Variants in AFF3 observed in about 807,000 individuals in gnomAD.
AFF3 encodes the protein ALF transcription elongation factor 3.
AFF3 carries 32 observed loss-of-function variants against 129.7 expected under a neutral mutation model. That is an observed-to-expected ratio of 0.25 (90% CI 0.19 to 0.33). The LOEUF (loss-of-function observed/expected upper bound fraction) is 0.33. Ranked by LOEUF, AFF3 falls within the 10% of genes least tolerant of loss-of-function variation. The probability of loss-of-function intolerance (pLI) is 1.00; values close to 1 mark genes in which losing one functional copy is unlikely to be tolerated. For missense variants in AFF3, 1,373 were observed against 1,592.0 expected (o/e 0.86, Z 2.34); for synonymous variants, 644 against 635.4 (o/e 1.01, Z -0.20).
intron 21 of AFF3, among the ~76,000 whole-genome samples, chr2:99,560,025 C>G (rs1559477057): frequency 6.6e-6 from 1 of 152,236 alleles, no homozygotes; most frequent in Non-Finnish European, 1.5e-5. Context: ...CTCTGGGAGG[C>G]TGAGGCAGGC....
In AFF3 at chr2:99,640,567, C is replaced by T. The variant is rs575692826; in HGVS notation, c.1184+9059G>A. Among the ~76,000 whole-genome samples the T allele has an allele frequency of 3.3e-5, 5 of 151,336 alleles. No homozygotes were observed. In the South Asian group the frequency reaches 6.3e-4, roughly 19 times the overall value. ...GACTCAAAGTCCTGTGCTTGCTTCACGATGTCTTGTAAAAAGAGGAGAGAG... is the reference window on the plus strand; with the variant it reads ...GACTCAAAGTCCTGTGCTTGCTTCATGATGTCTTGTAAAAAGAGGAGAGAG... On this transcript the variant is annotated intron_variant, in intron 13 of 24. Transcript: ENST00000672756.
intron 4 of AFF3, among the ~76,000 whole-genome samples, chr2:100,063,734 C>T (rs1687486377): frequency 6.6e-6 from 1 of 152,068 alleles, no homozygotes. Context: ...GAGATGATAA[C>T]TGAGATGTTT....
intron 7 of AFF3, among the ~76,000 whole-genome samples, chr2:99,929,902 C>T (rs1184203748): frequency 6.7e-6 from 1 of 149,924 alleles, no homozygotes; most frequent in Non-Finnish European, 1.5e-5. Flanking sequence ...CGCCATTATA[C>T]ATTTTGAATT....
At chr2:99,894,213 GAA>G (rs1295431230) in intron 7 of AFF3, among the ~76,000 whole-genome samples, 1 of 132,654 alleles carries the variant, frequency 7.5e-6, no homozygotes, top group African/African-American at 2.8e-5. Flanking sequence ...GCCTTTTTTT[GAA>G]AAAAAAAAAA....
intron 8 of AFF3, among the ~76,000 whole-genome samples, chr2:99,782,188 C>T (rs968980591): frequency 6.6e-6 from 1 of 152,136 alleles, no homozygotes; most frequent in African/African-American, 2.4e-5. Flanking sequence ...GAGTTGGGGT[C>T]CCCACATTGT....
intron 12 of AFF3, among the ~76,000 whole-genome samples, chr2:99,649,948 C>A (rs1489143681): frequency 6.6e-6 from 1 of 152,188 alleles, no homozygotes; most frequent in Non-Finnish European, 1.5e-5. Flanking sequence ...TAAGCTTGGA[C>A]AGGCCTCTGG....
chr2:99,692,042 A>C (rs1432599685), intron 11 of AFF3, among the ~76,000 whole-genome samples: 1 of 152,090 alleles, frequency 6.6e-6, no homozygotes, highest in Non-Finnish European at 1.5e-5. Context: ...CAGCTGTTTC[A>C]AGTAGCGACT....
intron 7 of AFF3, among the ~76,000 whole-genome samples, chr2:99,863,733 A>C (rs956408967): frequency 6.6e-6 from 1 of 152,218 alleles, no homozygotes; most frequent in Non-Finnish European, 1.5e-5. Flanking sequence ...TGCATGAGTC[A>C]GCTGGTGGTT....
intron 16 of AFF3, among the ~76,000 whole-genome samples, chr2:99,586,102 C>T (rs761994799): frequency 2.0e-5 from 3 of 152,264 alleles, no homozygotes; most frequent in Non-Finnish European, 2.9e-5. Context: ...CTTAGAAATT[C>T]TGGAAGCCAC....
At chr2:99,748,646 C>A (rs1681368445) in intron 9 of AFF3, among the ~76,000 whole-genome samples, 1 of 152,184 alleles carries the variant, frequency 6.6e-6, no homozygotes, top group Non-Finnish European at 1.5e-5. Context: ...AAGGGTTACC[C>A]TGTGCTTTGA....
intron 7 of AFF3, among the ~76,000 whole-genome samples, chr2:99,933,003 C>T (rs553533720): frequency 4.6e-5 from 7 of 152,168 alleles, no homozygotes; most frequent in Non-Finnish European, 8.8e-5. Context: ...CAGAGAAAGG[C>T]AAACTGGATT....
chr2:99,888,072 T>G (rs1406893393), intron 7 of AFF3, among the ~76,000 whole-genome samples: 1 of 152,220 alleles, frequency 6.6e-6, no homozygotes, highest in East Asian at 1.9e-4. Context: ...GTCAAAAATT[T>G]GCATCAAATG....
At chr2:99,696,827 G>T (rs899454879) in intron 11 of AFF3, among the ~76,000 whole-genome samples, 2 of 151,982 alleles carry the variant, frequency 1.3e-5, no homozygotes, top group African/African-American at 4.8e-5. Context: ...AATTTTTTTT[G>T]TAGAGATGGA....
At chr2:99,893,589 C>G (rs1024066382) in intron 7 of AFF3, among the ~76,000 whole-genome samples, 1 of 152,154 alleles carries the variant, frequency 6.6e-6, no homozygotes, top group African/African-American at 2.4e-5. Flanking sequence ...AACACTGAAC[C>G]CTGCCCGGCC....
At chr2:99,844,091 G>A (rs1364292670) in intron 7 of AFF3, among the ~76,000 whole-genome samples, 6 of 151,960 alleles carry the variant, frequency 3.9e-5, no homozygotes, top group Non-Finnish European at 5.9e-5. Context: ...AAAAACTTCT[G>A]CGTTTTACTG....
chr2:100,110,031 C>T (rs1331015151), intron 2 of AFF3: 1 of 152,246 alleles, frequency 6.6e-6, no homozygotes, highest in African/African-American at 2.4e-5. Context: ...AGTTTTGCCC[C>T]TTGAGTTCTG....
chr2:99,654,540 G>C (rs1418147567), intron 12 of AFF3, among the ~76,000 whole-genome samples: 46 of 152,176 alleles, frequency 3.0e-4, no homozygotes, highest in Admixed American at 2.9e-3. Flanking sequence ...TAGTAAACTA[G>C]ATGAATTGCC....
chr2:99,944,147 C>T (rs753865942), intron 7 of AFF3, among the ~76,000 whole-genome samples: 5 of 152,232 alleles, frequency 3.3e-5, no homozygotes, highest in South Asian at 2.1e-4. Context: ...GCCATCCTCC[C>T]GCCTCCGCTT....
intron 13 of AFF3, among the ~76,000 whole-genome samples, chr2:99,609,879 C>T (rs1255151916): frequency 6.6e-6 from 1 of 152,176 alleles, no homozygotes; most frequent in East Asian, 1.9e-4. Context: ...TGCATGTATA[C>T]ATCTAGATGG....
Sources: gnomAD v4.1 joint callset for allele counts (sites outside exome capture counted in the v4.1 genomes callset) on GRCh38, gnomAD v4.1.1 for gene constraint, MANE v1.5 for transcripts, NCBI Gene and HGNC (gene_info 2026-07-23, HGNC 2026-07-21) for gene names.